FBXO34: variants seen among roughly 807,000 people sequenced by gnomAD.
The protein encoded by FBXO34 is F-box only protein 34.
In FBXO34, 12 loss-of-function variants were observed where a neutral mutation model predicts 24.5. That is an observed-to-expected ratio of 0.49 (90% CI 0.31 to 0.79). The LOEUF (loss-of-function observed/expected upper bound fraction) is 0.79. Among genes scored for constraint, FBXO34 ranks in the 30% least tolerant of loss-of-function variants. FBXO34 has a pLI of 0.04. For synonymous variants in FBXO34, 320 were observed against 311.9 expected (o/e 1.03, Z -0.27); for missense variants, 823 against 857.7 (o/e 0.96, Z 0.51).
chr14:55,348,499 T>C (rs1329100497), intron 1 of FBXO34, among the ~76,000 whole-genome samples: 5 of 152,170 alleles, frequency 3.3e-5, no homozygotes, highest in Non-Finnish European at 7.3e-5. Flanking sequence ...CCTCGTTTGC[T>C]CCACATTTAC....
intron 1 of FBXO34, among the ~76,000 whole-genome samples, chr14:55,275,823 C>CAAA (rs57849080): frequency 0.31 from 27,567 of 89,634 alleles, 4,131 homozygotes; most frequent in Non-Finnish European, 0.37. Flanking sequence ...GACTCTGTCT[C>CAAA]AAAAAAAAAA....
chr14:55,315,803 T>G (rs1373350460), intron 1 of FBXO34, among the ~76,000 whole-genome samples: 2 of 152,244 alleles, frequency 1.3e-5, no homozygotes, highest in African/African-American at 4.8e-5. Flanking sequence ...ATAATGTGCC[T>G]TAATGTGGTG....
the FBXO34 span, among the ~76,000 whole-genome samples, chr14:55,439,417 TCC>T: frequency 1.3e-5 from 2 of 151,860 alleles, no homozygotes; most frequent in African/African-American, 4.8e-5. Flanking sequence ...GCTCTCTGTT[TCC>T]CCTGTCAAAG....
the FBXO34 span, among the ~76,000 whole-genome samples, chr14:55,393,348 G>A: frequency 6.6e-6 from 1 of 151,764 alleles, no homozygotes; most frequent in Non-Finnish European, 1.5e-5. Flanking sequence ...TCGCGCCACT[G>A]CACTCCAGCC....
intron 3 of FBXO34, among the ~76,000 whole-genome samples, chr14:55,361,177 A>G (rs961081792): frequency 1.3e-5 from 2 of 152,222 alleles, no homozygotes; most frequent in Non-Finnish European, 2.9e-5. Context: ...ATAAGACTTG[A>G]AAGTCAAAAT....
At chr14:55,334,482 C>T (rs1487639096) in intron 1 of FBXO34, among the ~76,000 whole-genome samples, 1 of 122,768 alleles carries the variant, frequency 8.1e-6, no homozygotes, top group Non-Finnish European at 1.6e-5. Context: ...AGGCACAGTT[C>T]TGGGAATTCA....
the FBXO34 span, among the ~76,000 whole-genome samples, chr14:55,397,052 A>G: frequency 6.6e-6 from 1 of 152,232 alleles, no homozygotes; most frequent in Non-Finnish European, 1.5e-5. Context: ...GTAATGTCCT[A>G]TGGGAGCCAC....
chr14:55,348,557 C>G (rs1884236725), intron 1 of FBXO34, among the ~76,000 whole-genome samples: 2 of 151,456 alleles, frequency 1.3e-5, no homozygotes, highest in Admixed American at 1.3e-4. Flanking sequence ...TTTCAGATAC[C>G]AGTTTTAATC....
intron 1 of FBXO34, among the ~76,000 whole-genome samples, chr14:55,323,229 T>TATTTA (rs1301575819): frequency 8.7e-5 from 6 of 69,166 alleles, no homozygotes; most frequent in East Asian, 7.6e-4. Flanking sequence ...ATATATATTT[T>TATTTA]TTTTTTTTTT....
chr14:55,393,861 A>AC, the FBXO34 span, among the ~76,000 whole-genome samples: 2 of 151,840 alleles, frequency 1.3e-5, no homozygotes, highest in Admixed American at 1.3e-4. Context: ...AGATTTTATA[A>AC]GAGTATATTT....
chr14:55,346,705 G>T (rs1239570249), intron 1 of FBXO34, among the ~76,000 whole-genome samples: 1 of 152,148 alleles, frequency 6.6e-6, no homozygotes, highest in Non-Finnish European at 1.5e-5. Context: ...GGAGCTGGTG[G>T]TTGAAGAGGG....
At chr14:55,369,840 C>CGG, downstream of FBXO34, 1 of 1,614,150 alleles carries the variant, frequency 6.2e-7, no homozygotes, top group Non-Finnish European at 8.5e-7. Context: ...CGCTCATCTC[C>CGG]GCTCTCATCT....
the FBXO34 span, among the ~76,000 whole-genome samples, chr14:55,433,086 C>T: frequency 6.6e-6 from 1 of 152,048 alleles, no homozygotes; most frequent in East Asian, 1.9e-4. Context: ...TAAGTCCCCT[C>T]GGTTTAATAG....
At chr14:55,377,614 T>C in the FBXO34 span, among the ~76,000 whole-genome samples, 10,977 of 152,200 alleles carry the variant, frequency 0.072, 1,115 homozygotes, top group African/African-American at 0.23. Context: ...ATGATTGATA[T>C]TAATTTTTTC....
the FBXO34 span, among the ~76,000 whole-genome samples, chr14:55,419,025 C>CCAT: frequency 7.2e-5 from 11 of 152,230 alleles, no homozygotes; most frequent in Admixed American, 6.5e-4. Context: ...ACTCTCCAGT[C>CCAT]CATCCTTTTA....
chr14:55,314,400 C>T (rs1419538609), intron 1 of FBXO34, among the ~76,000 whole-genome samples: 1 of 152,158 alleles, frequency 6.6e-6, no homozygotes, highest in Non-Finnish European at 1.5e-5. Context: ...GATAGTTAAC[C>T]AAATACACAC....
chr14:55,358,291 C>T (rs1884549058), downstream of FBXO34, among the ~76,000 whole-genome samples: 1 of 152,188 alleles, frequency 6.6e-6, no homozygotes, highest in Non-Finnish European at 1.5e-5. Flanking sequence ...AGTCTGTGCT[C>T]CATGCAGGGT....
chr14:55,282,275 G>A, intron 1 of FBXO34: 1 of 401,318 alleles, frequency 2.5e-6, no homozygotes, highest in Non-Finnish European at 5.1e-6. Context: ...TTACAGGCCT[G>A]AGCCACCGCG....
the FBXO34 span, among the ~76,000 whole-genome samples, chr14:55,420,231 C>T: frequency 9.9e-5 from 15 of 152,156 alleles, no homozygotes; most frequent in East Asian, 1.9e-4. Context: ...CCACAATGCC[C>T]GGCTAATTTT....
Sources: gnomAD v4.1 joint callset for allele counts (sites outside exome capture counted in the v4.1 genomes callset) on GRCh38, gnomAD v4.1.1 for gene constraint, MANE v1.5 for transcripts, NCBI Gene and HGNC (gene_info 2026-07-23, HGNC 2026-07-21) for gene names.